Variants in WDR7 observed in about 807,000 individuals in gnomAD.
WDR7 encodes the protein WD repeat domain 7.
A neutral mutation model predicts 169.4 loss-of-function variants in WDR7; 46 were observed. The ratio of observed to expected loss-of-function variants is 0.27; its 90% confidence interval spans 0.21 to 0.35. The LOEUF (loss-of-function observed/expected upper bound fraction) is 0.35, where lower values mean the gene tolerates loss of function less well. Among genes scored for constraint, WDR7 ranks in the 10% least tolerant of loss-of-function variants. The pLI is 1.00. For missense variants in WDR7, 1,534 were observed against 1,859.3 expected (o/e 0.83, Z 3.22); for synonymous variants, 612 against 666.8 (o/e 0.92, Z 1.27).
At chr18:56,797,504 T>C (rs974599165) in intron 19 of WDR7, among the ~76,000 whole-genome samples, 6 of 151,820 alleles carry the variant, frequency 4.0e-5, no homozygotes, top group African/African-American at 1.5e-4. Flanking sequence ...TATATTTATA[T>C]ACCATTTTAT....
At chr18:56,911,214 C>A (rs963572685) in intron 21 of WDR7, among the ~76,000 whole-genome samples, 1 of 152,202 alleles carries the variant, frequency 6.6e-6, no homozygotes, top group Non-Finnish European at 1.5e-5. Context: ...CAGCTCCAAT[C>A]AGCAGGGCTT....
At chr18:56,686,439 T>C (rs1229538437) in intron 6 of WDR7, among the ~76,000 whole-genome samples, 3 of 152,188 alleles carry the variant, frequency 2.0e-5, no homozygotes, top group Non-Finnish European at 4.4e-5. Context: ...GTTCTTTTTT[T>C]TATCAATGAG....
intron 25 of WDR7, 23 bp downstream of exon 25, chr18:56,939,416 G>A (rs2145701039): frequency 6.6e-7 from 1 of 1,507,756 alleles, no homozygotes; most frequent in Non-Finnish European, 8.9e-7. Context: ...TCAAGAGCAT[G>A]CAGAATAAAT....
chr18:56,779,961 G>C (rs1299477328), intron 18 of WDR7, among the ~76,000 whole-genome samples: 1 of 152,170 alleles, frequency 6.6e-6, no homozygotes, highest in Non-Finnish European at 1.5e-5. Context: ...TATTGTAAAA[G>C]GAGGCCTTGG....
intron 19 of WDR7, among the ~76,000 whole-genome samples, chr18:56,789,144 A>G (rs1033211960): frequency 1.3e-5 from 2 of 152,226 alleles, no homozygotes; most frequent in Admixed American, 6.5e-5. Context: ...TGGAATAACA[A>G]TGGAATTTGT....
rs1410311700 is a variant in WDR7 at position 56,695,067 on chromosome 18, T to G, written c.1226T>G (p.Val409Gly). The change falls in exon 11 of 28, where the codon GTA becomes GGA. Residue 409 changes from valine to glycine, a missense_variant. Transcript: ENST00000254442. ...VIPNSNEPLK[V>G]TASVYIPAHG... ...CCCAATAGTAATGAACCTCTTAAAG[T>G]AACTGCAAGTGTGTACATACCAGCA... 1 of 1,614,160 alleles carries G rather than the reference T, an allele frequency of 6.2e-7. No individual in the cohort carries two copies. Among genetic ancestry groups the G allele is most frequent in the Non-Finnish European group, 8.5e-7 (1 of 1,180,012 alleles).
intron 16 of WDR7, among the ~76,000 whole-genome samples, chr18:56,770,749 A>G (rs1000757892): frequency 6.6e-6 from 1 of 151,604 alleles, no homozygotes; most frequent in African/African-American, 2.4e-5. Context: ...GTACTGCCCT[A>G]TTTCCCTTAG....
intron 26 of WDR7, among the ~76,000 whole-genome samples, chr18:56,995,203 T>C (rs2047881988): frequency 6.6e-6 from 1 of 152,192 alleles, no homozygotes; most frequent in Non-Finnish European, 1.5e-5. Context: ...GAGGAGGACA[T>C]TGAGAAACCT....
At chr18:56,776,631 G>A in intron 16 of WDR7, 151 bp from the exon 17 acceptor site, 1 of 662,192 alleles carries the variant, frequency 1.5e-6, no homozygotes, top group Non-Finnish European at 2.7e-6. Context: ...AATCTTTAAT[G>A]ATCATGCCTT....
At chr18:56,990,775 T>G (rs1381766378) in intron 26 of WDR7, among the ~76,000 whole-genome samples, 1 of 152,188 alleles carries the variant, frequency 6.6e-6, no homozygotes, top group Non-Finnish European at 1.5e-5. Flanking sequence ...TTGCTCCAGC[T>G]TTTTCTCACC....
chr18:56,979,297 G>A, intron 26 of WDR7, among the ~76,000 whole-genome samples: 1 of 152,068 alleles, frequency 6.6e-6, no homozygotes, highest in East Asian at 1.9e-4. Flanking sequence ...CCTGAGCTTA[G>A]TTAGGGCTAG....
rs138097249 is a variant in WDR7, at chr18:57,005,372, C to T, written c.4165-15373C>T. On this transcript the variant is annotated intron_variant, in intron 26 of 27. Coordinates refer to ENST00000254442, the MANE Select transcript of WDR7 (RefSeq NM_015285.3). ...CCATGTAATGTTATAATTTTAATTT[C>T]AACATTTAAAGTGATCTGGCAACTA... Among the ~76,000 whole-genome samples the T allele has an allele frequency of 2.6e-4, 39 of 152,092 alleles. 1 individual carries two copies. Among genetic ancestry groups the T allele is most frequent in the African/African-American group, 9.2e-4 (38 of 41,494 alleles).
At chr18:56,991,544 G>C (rs184144535) in intron 26 of WDR7, among the ~76,000 whole-genome samples, 38 of 152,092 alleles carry the variant, frequency 2.5e-4, no homozygotes, top group African/African-American at 8.9e-4. Context: ...CCCTGTTGGG[G>C]GGAAAAAAGA....
chr18:56,852,914 TGA>T (rs150723471), intron 20 of WDR7, among the ~76,000 whole-genome samples: 2,119 of 152,322 alleles, frequency 0.014, 27 homozygotes, highest in East Asian at 0.035. Flanking sequence ...GAAATTTTAC[TGA>T]GTGTTAACAT....
At chr18:56,803,093 A>C (rs982128501) in intron 19 of WDR7, among the ~76,000 whole-genome samples, 2 of 152,128 alleles carry the variant, frequency 1.3e-5, no homozygotes, top group African/African-American at 4.8e-5. Flanking sequence ...GGTACTCATT[A>C]CTGTCCATAT....
At chr18:56,794,174 A>G (rs2044539838) in intron 19 of WDR7, among the ~76,000 whole-genome samples, 1 of 151,872 alleles carries the variant, frequency 6.6e-6, no homozygotes, top group Admixed American at 6.6e-5. Flanking sequence ...CCTAGTTTCA[A>G]TGGTTACTGA....
intron 2 of WDR7, among the ~76,000 whole-genome samples, chr18:56,673,370 C>T (rs972955010): frequency 4.6e-5 from 7 of 152,082 alleles, no homozygotes; most frequent in Admixed American, 2.6e-4. Context: ...TTTTAAATTA[C>T]TTTTTTTGGA....
chr18:56,875,223 G>A (rs2046006976), intron 20 of WDR7, among the ~76,000 whole-genome samples: 1 of 152,056 alleles, frequency 6.6e-6, no homozygotes, highest in African/African-American at 2.4e-5. Context: ...AAAGAACTTA[G>A]GATATGATAT....
intron 10 of WDR7, 73 bp from the exon 11 acceptor site, chr18:56,694,877 A>C: frequency 1.3e-6 from 2 of 1,548,436 alleles, no homozygotes; most frequent in East Asian, 2.3e-5. Flanking sequence ...ATCAATCAAC[A>C]TTATTTTAAT....
Sources: allele counts gnomAD v4.1 joint callset (sites outside exome capture counted in the v4.1 genomes callset), GRCh38; gene constraint gnomAD v4.1.1; transcripts MANE v1.5; gene names NCBI Gene and HGNC (gene_info 2026-07-23, HGNC 2026-07-21).